The following HMCN2 variants were observed in gnomAD, a reference collection of about 807,000 sequenced individuals.
The protein encoded by HMCN2 is hemicentin-2.
Under a neutral mutation model 377.5 loss-of-function variants are expected in HMCN2, and 325 were observed. The ratio of observed to expected loss-of-function variants is 0.86; its 90% CI spans 0.79 to 0.94. HMCN2 has a LOEUF of 0.94. Ranked by LOEUF, HMCN2 falls within the 40% of genes least tolerant of loss-of-function variation. HMCN2 has a pLI of 0.00. For synonymous variants in HMCN2, 2,007 were observed against 2,046.8 expected (o/e 0.98, Z 0.53); for missense variants, 4,543 against 4,725.3 (o/e 0.96, Z 1.13).
At chr9:130,291,634 C>T (rs1275458200) in intron 4 of HMCN2, among the ~76,000 whole-genome samples, 3 of 152,154 alleles carry the variant, frequency 2.0e-5, no homozygotes, top group South Asian at 4.1e-4. Context: ...CATTTCTGCT[C>T]GACTTGCTTT....
chr9:130,340,337 G>C (rs1483237540), intron 23 of HMCN2, among the ~76,000 whole-genome samples: 2 of 152,234 alleles, frequency 1.3e-5, no homozygotes, highest in African/African-American at 4.8e-5. Context: ...GGCGGGAGGG[G>C]TTGTGATGAG....
intron 85 of HMCN2, 82 bp downstream of exon 85, chr9:130,410,734 G>A (rs944960420): frequency 4.4e-6 from 5 of 1,126,346 alleles, no homozygotes; most frequent in Non-Finnish European, 5.3e-6. Flanking sequence ...GAGGGCAGAC[G>A]GCAGGGCTGG....
intron 1 of HMCN2, among the ~76,000 whole-genome samples, chr9:130,277,677 T>C (rs10988672): frequency 0.8 from 121,245 of 151,172 alleles, 48,952 homozygotes; most frequent in African/African-American, 0.91. Context: ...GTAACATCAC[T>C]ATTACCACCA....
Position 130,351,575 on chromosome 9 carries a change from A to G in HMCN2, c.4583A>G (p.His1528Arg), listed in dbSNP as rs960517048. 2.2e-5 allele frequency: 29 copies of G among 1,302,176 alleles called. No individual in the cohort carries two copies. In the African/African-American group the frequency reaches 4.1e-4, roughly 18 times the overall value. 80.7% of individuals were successfully genotyped at this position (1,302,176 alleles called of 1,614,324 possible). Reference sequence around the variant, plus strand: ...GCCAGGGACTTCCAGCTCCGAGTTCATGGTGAGCCCCCACGCCTTCTGGGA... The same window carrying G: ...GCCAGGGACTTCCAGCTCCGAGTTCGTGGTGAGCCCCCACGCCTTCTGGGA... The part of the protein sequence containing the change: ...QQARDFQLRV[H>R]APPTIWGSNE... The change falls in exon 30 of 98, where the codon CAT becomes CGT. Residue 1528 changes from histidine (H) to arginine (R), a missense_variant and splice_region_variant. By Grantham distance (29) the His-to-Arg change is conservative. Coordinates refer to ENST00000683500, the MANE Select transcript of HMCN2 (RefSeq NM_001291815.2). The surrounding 1 kb of genome is among the most constrained non-coding windows in gnomAD (Gnocchi z 5.4).
chr9:130,376,719 T>A, intron 52 of HMCN2, 61 bp downstream of exon 52: 1 of 966,514 alleles, frequency 1.0e-6, no homozygotes, highest in Non-Finnish European at 1.2e-6. Flanking sequence ...CTGGTTCTGC[T>A]TGGAACCTTC....
At chr9:130,289,910 A>T (rs1835651870) in intron 4 of HMCN2, among the ~76,000 whole-genome samples, 1 of 152,138 alleles carries the variant, frequency 6.6e-6, no homozygotes, top group African/African-American at 2.4e-5. Context: ...TCGGGGGCCC[A>T]TTCGCCCCCT....
At chr9:130,385,213 T>C (rs1482905919) in intron 59 of HMCN2, among the ~76,000 whole-genome samples, 1 of 151,922 alleles carries the variant, frequency 6.6e-6, no homozygotes, top group African/African-American at 2.4e-5. Flanking sequence ...GGAGGGCTTC[T>C]ACATTGGTTC....
chr9:130,382,136 G>T, intron 54 of HMCN2, 48 bp from the exon 55 acceptor site: 1 of 869,364 alleles, frequency 1.2e-6, no homozygotes, highest in Non-Finnish European at 1.4e-6. Context: ...TTGCTCTTGG[G>T]GGTGACTCTC....
chr9:130,392,721 GGT>G (rs1304964644), intron 66 of HMCN2, among the ~76,000 whole-genome samples: 9 of 150,216 alleles, frequency 6.0e-5, no homozygotes, highest in African/African-American at 1.7e-4. Context: ...AAGCAGGCCG[GGT>G]GCGGTGGCTC....
At chr9:130,359,477 C>A in intron 37 of HMCN2, 63 bp downstream of exon 37, 2 of 873,106 alleles carry the variant, frequency 2.3e-6, no homozygotes, top group African/African-American at 3.5e-5. Context: ...ATGAGGCTGG[C>A]GAGTGACCCA....
Position 130,427,331 on chromosome 9 carries a change from G to T in HMCN2, c.13898G>T (p.Cys4633Phe). The change falls in exon 91 of 98, where the codon TGC becomes TTC. Residue 4633 changes from cysteine to phenylalanine, a missense_variant. This residue lies in a region of HMCN2 where 1,155 missense variants were observed against 1,157.7 expected (regional missense o/e 1.00). Coordinates refer to ENST00000683500, the MANE Select transcript of HMCN2 (RefSeq NM_001291815.2). ...ALQAEENEVG[C>F]PEGFELDSQG... ...TTTGCAGAGGAGAACGAGGTCGGCT[G>T]CCCCGAGGGCTTTGAGCTGGACTCC... 4.5e-6 allele frequency: 7 copies of T among 1,550,586 alleles called. No individual in the cohort carries two copies. Among genetic ancestry groups the T allele is most frequent in the South Asian group, 3.6e-5 (3 of 84,062 alleles).
At chr9:130,274,764 C>T (rs1267717757) in intron 1 of HMCN2, among the ~76,000 whole-genome samples, 1 of 152,162 alleles carries the variant, frequency 6.6e-6, no homozygotes, top group Non-Finnish European at 1.5e-5. Context: ...AACTTGCTTT[C>T]TTCCCCCCAC....
chr9:130,331,301 T>C (rs979263955), intron 22 of HMCN2, among the ~76,000 whole-genome samples: 1 of 152,206 alleles, frequency 6.6e-6, no homozygotes, highest in Admixed American at 6.5e-5. Flanking sequence ...ACAATGTTCC[T>C]CTTTATCTCC....
In HMCN2 at chr9:130,419,022, G is replaced by A. The variant is rs1843842445; in HGVS notation, c.13212G>A (p.Arg4404=). The stretch of plus-strand genomic sequence containing the variant: ...ACCTCCTGGGCTCTGCCACAGCCCG[G>A]GCGTTCCTGGTCGTGAGAGGTATGG... ...AHNLLGSATA[R]AFLVVRGEPQ... is the part of the protein sequence containing the mutation. The change falls in exon 86 of 98, where the codon CGG becomes CGA. Residue 4404 remains arginine, a synonymous_variant. Coordinates refer to ENST00000683500, the MANE Select transcript of HMCN2 (RefSeq NM_001291815.2). 1.3e-6 allele frequency: 2 copies of A among 1,490,726 alleles called. No individual in the cohort carries two copies. The highest frequency in any genetic ancestry group is 1.8e-6 in the Non-Finnish European group (2 of 1,115,632). 92.3% of individuals were successfully genotyped at this position (1,490,726 alleles called of 1,614,324 possible). A position where few individuals can be genotyped will look rare whatever the true frequency, so the allele number is the denominator to read the frequency against.
chr9:130,373,421 A>T (rs945175616), intron 48 of HMCN2, among the ~76,000 whole-genome samples: 1 of 152,176 alleles, frequency 6.6e-6, no homozygotes, highest in Non-Finnish European at 1.5e-5. Flanking sequence ...CACAAGCCCC[A>T]GTGCTTCCCT....
Position 130,348,639 on chromosome 9 carries a change from A to T in HMCN2, c.4119A>T (p.Pro1373=), listed in dbSNP as rs1433932469. 7.7e-7 allele frequency: 1 copy of T among 1,298,834 alleles called. No homozygotes were observed. Among genetic ancestry groups the T allele is most frequent in the Non-Finnish European group, 1.0e-6 (1 of 987,452 alleles). 80.5% of individuals were successfully genotyped at this position (1,298,834 alleles called of 1,614,324 possible). ...LTLECDANGF[P]VPEIVWLKDA... is the part of the protein sequence containing the mutation. ...TGGAGTGTGACGCGAACGGCTTTCC[A>T]GTCCCTGAGATCGTGTGGCTGAAGG... The change falls in exon 27 of 98, where the codon CCA becomes CCT. Residue 1373 remains proline (P), a synonymous_variant. Coordinates refer to ENST00000683500, the MANE Select transcript of HMCN2 (RefSeq NM_001291815.2).
chr9:130,305,423 G>A (rs1554936356), intron 11 of HMCN2, among the ~76,000 whole-genome samples: 2 of 152,268 alleles, frequency 1.3e-5, no homozygotes, highest in African/African-American at 4.8e-5. Context: ...TGGGGGTGGA[G>A]GAGGCAGTGC....
At position 130,424,762 on chromosome 9, in the gene HMCN2, C is replaced by T. The variant is rs1844226965; in HGVS notation, c.13382-14C>T. On this transcript the variant is annotated splice_polypyrimidine_tract_variant and intron_variant, in intron 87 of 97. Coordinates refer to ENST00000683500, the MANE Select transcript of HMCN2 (RefSeq NM_001291815.2). Reference sequence around the variant, plus strand: ...ATCAGCTCTAACCCGGCCTCTATGCCCTGCCCCACCCAGGGCCTCTGATGC... The same window carrying T: ...ATCAGCTCTAACCCGGCCTCTATGCTCTGCCCCACCCAGGGCCTCTGATGC... 2 of 1,528,948 alleles carry T rather than the reference C, an allele frequency of 1.3e-6. No individual in the cohort carries two copies. The highest frequency in any genetic ancestry group is 1.2e-5 in the South Asian group (1 of 81,108). The allele number at this position is 1,528,948 out of a possible 1,614,324, so 94.7% of individuals were successfully genotyped here.
chr9:130,283,385 A>T (rs1210584170), intron 1 of HMCN2, among the ~76,000 whole-genome samples: 2 of 152,114 alleles, frequency 1.3e-5, no homozygotes, highest in Non-Finnish European at 2.9e-5. Flanking sequence ...CAGCCCCGTC[A>T]TTCTCGTCTT....
Sources: allele counts gnomAD v4.1 joint callset (sites outside exome capture counted in the v4.1 genomes callset), GRCh38; gene constraint gnomAD v4.1.1; regional missense constraint gnomAD v4.1.1; non-coding constraint Gnocchi (gnomAD v3.1); transcripts MANE v1.5; gene names NCBI Gene and HGNC (gene_info 2026-07-23, HGNC 2026-07-21).